TSPEAR: variants seen among roughly 807,000 people sequenced by gnomAD.
The protein encoded by TSPEAR is thrombospondin-type laminin G domain and EAR repeat-containing protein.
In TSPEAR, 69 loss-of-function variants were observed where a neutral mutation model predicts 71.6. The ratio of observed to expected loss-of-function variants is 0.96; its 90% CI spans 0.79 to 1.18. The LOEUF (loss-of-function observed/expected upper bound fraction) is 1.18, where lower values mean the gene tolerates loss of function less well. Ranked by LOEUF, TSPEAR falls within the 50% of genes most tolerant of loss-of-function variation. The pLI is 0.00. For missense variants in TSPEAR, 971 were observed against 894.9 expected (o/e 1.09, Z -1.09); for synonymous variants, 402 against 387.2 (o/e 1.04, Z -0.45).
chr21:44,583,516 T>G (rs1484866333), intron 1 of TSPEAR, among the ~76,000 whole-genome samples: 2 of 152,192 alleles, frequency 1.3e-5, no homozygotes, highest in Non-Finnish European at 1.5e-5. Context: ...GTTTTTTCAC[T>G]CTAGTTTACC....
intron 1 of TSPEAR, chr21:44,697,420 A>G: frequency 6.2e-7 from 1 of 1,613,814 alleles, no homozygotes; most frequent in Non-Finnish European, 8.5e-7. Context: ...GCCCCTGCCA[A>G]TCAGGCTGCA....
intron 2 of TSPEAR, among the ~76,000 whole-genome samples, chr21:44,562,129 A>C (rs977935829): frequency 6.6e-6 from 1 of 152,224 alleles, no homozygotes; most frequent in Non-Finnish European, 1.5e-5. Context: ...CAACTTCAGC[A>C]AAGTCTCAGC....
At chr21:44,709,904 C>A (rs1402535619) in intron 1 of TSPEAR, among the ~76,000 whole-genome samples, 2 of 152,264 alleles carry the variant, frequency 1.3e-5, no homozygotes, top group African/African-American at 4.8e-5. Flanking sequence ...TGACTTTTAT[C>A]TTTCCTCCCT....
At chr21:44,510,508 A>G (rs1555912491) in intron 9 of TSPEAR, among the ~76,000 whole-genome samples, 1 of 152,196 alleles carries the variant, frequency 6.6e-6, no homozygotes, top group African/African-American at 2.4e-5. Context: ...TGCCCTCCGC[A>G]GCAGGTCAGG....
intron 1 of TSPEAR, chr21:44,579,854 G>T (rs200875590): frequency 6.4e-5 from 103 of 1,597,058 alleles, no homozygotes; most frequent in Non-Finnish European, 3.2e-5. Context: ...GGAGGCAGGG[G>T]CACAGCAGGA....
At chr21:44,692,725 G>C (rs1417255489) in intron 1 of TSPEAR, among the ~76,000 whole-genome samples, 4 of 152,088 alleles carry the variant, frequency 2.6e-5, no homozygotes, top group Non-Finnish European at 4.4e-5. Flanking sequence ...TAAATAAATG[G>C]AAAGACATCC....
chr21:44,695,540 A>G lies in TSPEAR; in HGVS notation c.82+15893T>C, dbSNP rs1388845019. Among the ~76,000 whole-genome samples, 4 of 152,124 alleles carry G rather than the reference A, an allele frequency of 2.6e-5. No individual in the cohort carries two copies. Among genetic ancestry groups the G allele is most frequent in the African/African-American group, 9.7e-5 (4 of 41,426 alleles). On this transcript the variant is annotated intron_variant, in intron 1 of 11. Transcript: ENST00000323084. The surrounding 1 kb of genome is among the most constrained non-coding windows in gnomAD (Gnocchi z 4.5). The stretch of plus-strand genomic sequence containing the variant: ...CTCCGATCCCAAGACCCTTTTCCCA[A>G]GTCCAATTTTTCCTCCAAGTTCCTG...
chr21:44,707,593 GC>G (rs1311992336), intron 1 of TSPEAR, among the ~76,000 whole-genome samples: 1 of 152,202 alleles, frequency 6.6e-6, no homozygotes, highest in East Asian at 1.9e-4. Flanking sequence ...TGGGGGCGGA[GC>G]GGGGGAAAAG....
At chr21:44,693,852 G>T (rs1555950078) in intron 1 of TSPEAR, among the ~76,000 whole-genome samples, 3 of 152,128 alleles carry the variant, frequency 2.0e-5, no homozygotes, top group Non-Finnish European at 4.4e-5. Flanking sequence ...TAAATAAAAA[G>T]AGAGAGGCTC....
At chr21:44,561,181 G>A (rs1235386078) in intron 2 of TSPEAR, among the ~76,000 whole-genome samples, 1 of 151,940 alleles carries the variant, frequency 6.6e-6, no homozygotes, top group Non-Finnish European at 1.5e-5. Flanking sequence ...AAATACAAAC[G>A]GCCATCAGAG....
At chr21:44,647,245 T>C (rs376625605) in intron 1 of TSPEAR, 35 of 1,604,646 alleles carry the variant, frequency 2.2e-5, no homozygotes, top group South Asian at 4.5e-5. Context: ...CACCTCCTCC[T>C]GCCAGTCCAG....
At chr21:44,708,548 C>G (rs1555952954) in intron 1 of TSPEAR, among the ~76,000 whole-genome samples, 1 of 152,204 alleles carries the variant, frequency 6.6e-6, no homozygotes, top group Non-Finnish European at 1.5e-5. Context: ...AGCCTCCACA[C>G]CCCAGTGATC....
intron 1 of TSPEAR, chr21:44,654,129 T>C (rs1177628699): frequency 1.5e-6 from 1 of 657,344 alleles, no homozygotes; most frequent in African/African-American, 1.8e-5. Context: ...CCGGCTGGGA[T>C]CTAGTGACGG....
intron 1 of TSPEAR, among the ~76,000 whole-genome samples, chr21:44,681,080 T>C (rs566326947): frequency 3.9e-5 from 6 of 152,234 alleles, no homozygotes; most frequent in Non-Finnish European, 8.8e-5. Flanking sequence ...ACGTATCCTC[T>C]GTGTGTAAAG....
chr21:44,702,730 C>T, intron 1 of TSPEAR: 1 of 1,448,818 alleles, frequency 6.9e-7, no homozygotes, highest in South Asian at 1.2e-5. Context: ...CTGCGTGTCC[C>T]TCCTCTGCCG....
intron 1 of TSPEAR, among the ~76,000 whole-genome samples, chr21:44,626,090 A>G (rs1982758147): frequency 6.6e-6 from 1 of 152,260 alleles, no homozygotes; most frequent in African/African-American, 2.4e-5. Context: ...CCAGATTCAC[A>G]GCAACAAAGA....
At chr21:44,641,223 C>T (rs369611575) in intron 1 of TSPEAR, among the ~76,000 whole-genome samples, 6 of 152,250 alleles carry the variant, frequency 3.9e-5, no homozygotes, top group African/African-American at 1.4e-4. Context: ...AAAGTCTGAA[C>T]AAGCGATGAT....
chr21:44,529,750 G>T, intron 5 of TSPEAR, 48 bp downstream of exon 5: 1 of 1,606,960 alleles, frequency 6.2e-7, no homozygotes, highest in South Asian at 1.1e-5. Context: ...TGAGGCCAGG[G>T]CTCTCGCATC....
rs370668201 is a variant in TSPEAR, at chr21:44,697,972, C to T, written c.82+13461G>A. On this transcript the variant is annotated intron_variant, in intron 1 of 11. Transcript: ENST00000323084. ...GCTCAGGCCAGAAGTCCAGCTGCTG[C>T]CAGGCATGTCCCCCAGGGCCACTGG... 16 of 1,587,264 alleles carry T rather than the reference C, an allele frequency of 1.0e-5. No individual in the cohort carries two copies. In the African/African-American group the frequency reaches 2.1e-4, roughly 21 times the overall value.
Sources: allele counts gnomAD v4.1 joint callset (sites outside exome capture counted in the v4.1 genomes callset), GRCh38; gene constraint gnomAD v4.1.1; non-coding constraint Gnocchi (gnomAD v3.1); transcripts MANE v1.5; gene names NCBI Gene and HGNC (gene_info 2026-07-23, HGNC 2026-07-21).